The following SORCS2 variants were observed in gnomAD, a reference collection of about 807,000 sequenced individuals.
SORCS2 encodes VPS10 domain-containing receptor SorCS2.
A neutral mutation model predicts 141.6 loss-of-function variants in SORCS2; 100 were observed. The ratio of observed to expected loss-of-function variants is 0.71; its 90% CI spans 0.60 to 0.83. SORCS2 has a LOEUF of 0.83. Among genes scored for constraint, SORCS2 ranks in the 40% least tolerant of loss-of-function variants. The probability of loss-of-function intolerance (pLI) is 0.00; values close to 1 mark genes in which losing one functional copy is unlikely to be tolerated. For missense variants in SORCS2, 1,646 were observed against 1,560.2 expected, an observed-to-expected ratio of 1.05 and a Z score of -0.93; for synonymous variants, 789 against 676.9, an observed-to-expected ratio of 1.17 and a Z score of -2.57.
rs75996634 is a variant in SORCS2 at position 7,607,527 on chromosome 4, C to T, written c.649-30801C>T. Among the ~76,000 whole-genome samples, 1,413 of 152,248 alleles carry T rather than the reference C, an allele frequency of 9.3e-3. 29 individuals are homozygous for T. Among genetic ancestry groups the T allele is most frequent in the African/African-American group, 0.033 (1,366 of 41,530 alleles). Reference sequence around the variant, plus strand: ...TGGGCACCTGGTGTTACAGCGATGGCCCATCTCATCCTTACAACAGCCCTG... The same window carrying T: ...TGGGCACCTGGTGTTACAGCGATGGTCCATCTCATCCTTACAACAGCCCTG... On this transcript the variant is annotated intron_variant, in intron 3 of 26. Transcript: ENST00000507866.
At chr4:7,548,605 C>T (rs1217788663) in intron 3 of SORCS2, among the ~76,000 whole-genome samples, 1 of 152,104 alleles carries the variant, frequency 6.6e-6, no homozygotes, top group African/African-American at 2.4e-5. Context: ...GGCTTTGAAC[C>T]CTGGGCATCT....
In SORCS2 at chr4:7,192,782, T is replaced by TGCGGGGCG; in HGVS notation, c.145_152dup (p.Ser52ArgfsTer16). 6.9e-6 allele frequency: 7 copies of TGCGGGGCG among 1,010,058 alleles called. No homozygotes were observed. The highest frequency in any genetic ancestry group is 8.3e-6 in the Non-Finnish European group (7 of 848,472). The allele number at this position is 1,010,058 out of a possible 1,614,324, so 62.6% of individuals were successfully genotyped here. A position where few individuals can be genotyped will look rare whatever the true frequency, so the allele number is the denominator to read the frequency against. ...GCTGCTGCTGCTGCTGCTGGGCGCCTGCGGGGCGGCGGGGCGCTCCCCTGA... is the reference window on the plus strand; with the variant it reads ...GCTGCTGCTGCTGCTGCTGGGCGCCTGCGGGGCGGCGGGGCGGCGGGGCGCTCCCCTGA... On this transcript the variant is annotated frameshift_variant, in exon 1 of 27. Transcript: ENST00000507866. LOFTEE classifies it high-confidence loss of function. This position sits in a 1 kb window ranked among gnomAD's most constrained non-coding sequence, Gnocchi z 4.0.
intron 2 of SORCS2, among the ~76,000 whole-genome samples, chr4:7,427,805 C>G (rs1726555133): frequency 6.6e-6 from 1 of 151,964 alleles, no homozygotes; most frequent in Non-Finnish European, 1.5e-5. Context: ...CACGGAGAGC[C>G]TTTCCTGAGG....
At chr4:7,432,079 G>A (rs563575576) in intron 2 of SORCS2, 2 of 152,468 alleles carry the variant, frequency 1.3e-5, no homozygotes, top group African/African-American at 2.4e-5. Flanking sequence ...TGTCTTAGGG[G>A]GGCCAAACAG....
At chr4:7,386,566 GCA>G (rs1723344849) in intron 1 of SORCS2, among the ~76,000 whole-genome samples, 1 of 86,992 alleles carries the variant, frequency 1.1e-5, no homozygotes, top group Non-Finnish European at 2.3e-5. Flanking sequence ...ACACGCACAT[GCA>G]CACACATGCA....
intron 3 of SORCS2, among the ~76,000 whole-genome samples, chr4:7,546,930 T>C (rs755994460): frequency 5.9e-5 from 9 of 152,150 alleles, no homozygotes; most frequent in Admixed American, 4.6e-4. Context: ...CTGGTAAAAA[T>C]AGCTTAAATT....
chr4:7,477,946 G>A (rs551314183), intron 2 of SORCS2, among the ~76,000 whole-genome samples: 4 of 152,146 alleles, frequency 2.6e-5, no homozygotes, highest in Admixed American at 6.5e-5. Context: ...TGGCTATCGC[G>A]CACACCTGCC....
chr4:7,295,851 G>A (rs1008354950), intron 1 of SORCS2, among the ~76,000 whole-genome samples: 1 of 152,250 alleles, frequency 6.6e-6, no homozygotes, highest in Non-Finnish European at 1.5e-5. Context: ...CCAGGCTGAT[G>A]GAGCAGCATG....
At chr4:7,222,973 G>T (rs1165970587) in intron 1 of SORCS2, among the ~76,000 whole-genome samples, 1 of 152,168 alleles carries the variant, frequency 6.6e-6, no homozygotes, top group Admixed American at 6.5e-5. Flanking sequence ...CCCTGGCTGC[G>T]TCGGTGGAGG....
intron 3 of SORCS2, among the ~76,000 whole-genome samples, chr4:7,539,975 C>T (rs1259976779): frequency 6.6e-6 from 1 of 150,508 alleles, no homozygotes; most frequent in Non-Finnish European, 1.5e-5. Context: ...GGCACCGCCC[C>T]TTCCTGTTGC....
At chr4:7,556,023 C>T (rs868805926) in intron 3 of SORCS2, among the ~76,000 whole-genome samples, 27 of 152,284 alleles carry the variant, frequency 1.8e-4, no homozygotes, top group African/African-American at 6.5e-4. Flanking sequence ...ACTCACATCG[C>T]GATGCTCATT....
Position 7,193,953 on chromosome 4 carries a change from A to G in SORCS2, c.480+827A>G, listed in dbSNP as rs573083150. Among the ~76,000 whole-genome samples the G allele has an allele frequency of 1.3e-5, 2 of 152,178 alleles. No individual in the cohort carries two copies. The highest frequency in any genetic ancestry group is 4.1e-4 in the South Asian group (2 of 4,822). ...TCCTCTGGCCTTTGGTGGTGCATGC[A>G]GGAGGCAGAGGGTCCCTTTAGATTA... On this transcript the variant is annotated intron_variant, in intron 1 of 26. Transcript: ENST00000507866. The surrounding 1 kb of genome is among the most constrained non-coding windows in gnomAD (Gnocchi z 4.8).
intron 2 of SORCS2, among the ~76,000 whole-genome samples, chr4:7,466,080 C>G (rs1577610737): frequency 6.6e-6 from 1 of 152,310 alleles, no homozygotes; most frequent in South Asian, 2.1e-4. Context: ...TTCATTTATC[C>G]AGATTTTTTC....
At chr4:7,359,141 C>A (rs1006670856) in intron 1 of SORCS2, among the ~76,000 whole-genome samples, 5 of 152,188 alleles carry the variant, frequency 3.3e-5, no homozygotes, top group Admixed American at 2.6e-4. Context: ...ACTAAAAATA[C>A]AAAAATTAGC....
chr4:7,273,626 C>T (rs1311328522), intron 1 of SORCS2, among the ~76,000 whole-genome samples: 1 of 152,192 alleles, frequency 6.6e-6, no homozygotes, highest in Non-Finnish European at 1.5e-5. Context: ...GAGACTGAAG[C>T]TTCTGGAAAG....
intron 1 of SORCS2, among the ~76,000 whole-genome samples, chr4:7,235,031 A>T (rs1712166546): frequency 6.6e-6 from 1 of 152,164 alleles, no homozygotes; most frequent in African/African-American, 2.4e-5. Flanking sequence ...CAGGGTGGAA[A>T]CTGAGGCTGA....
chr4:7,696,682 C>G (rs1724731303), intron 11 of SORCS2, among the ~76,000 whole-genome samples: 1 of 152,332 alleles, frequency 6.6e-6, no homozygotes, highest in African/African-American at 2.4e-5. Flanking sequence ...TGGTGCCCAC[C>G]TCACCTTCCT....
At chr4:7,421,076 G>A (rs912545243) in intron 2 of SORCS2, among the ~76,000 whole-genome samples, 1 of 152,184 alleles carries the variant, frequency 6.6e-6, no homozygotes, top group African/African-American at 2.4e-5. Flanking sequence ...TGGGTGCTCA[G>A]GGACCCTAGG....
chr4:7,592,337 C>T (rs964166222), intron 3 of SORCS2, among the ~76,000 whole-genome samples: 3 of 152,168 alleles, frequency 2.0e-5, no homozygotes, highest in Admixed American at 6.5e-5. Context: ...TTGCCTTACT[C>T]GCCCTGGTGA....
Sources: allele counts gnomAD v4.1 joint callset (sites outside exome capture counted in the v4.1 genomes callset), GRCh38; gene constraint gnomAD v4.1.1; non-coding constraint Gnocchi (gnomAD v3.1); transcripts MANE v1.5; gene names NCBI Gene and HGNC (gene_info 2026-07-23, HGNC 2026-07-21).